The following PABPC4 variants were observed in gnomAD, a reference collection of about 807,000 sequenced individuals.
PABPC4 encodes the protein polyadenylate-binding protein 4.
A neutral mutation model predicts 74.5 loss-of-function variants in PABPC4; 15 were observed. The observed-to-expected ratio is 0.20, with a 90% CI of 0.13 to 0.31. PABPC4 has a LOEUF of 0.31. Among genes scored for constraint, PABPC4 ranks in the 10% least tolerant of loss-of-function variants. The pLI, the probability that PABPC4 is intolerant of heterozygous loss-of-function variation, is 1.00. For missense variants in PABPC4, 610 were observed against 853.5 expected, an observed-to-expected ratio of 0.71 and a Z score of 3.55; for synonymous variants, 345 against 303.0, an observed-to-expected ratio of 1.14 and a Z score of -1.44.
chr1:39,573,696 G>A (rs973153603), intron 1 of PABPC4, among the ~76,000 whole-genome samples: 4 of 152,186 alleles, frequency 2.6e-5, no homozygotes, highest in Admixed American at 2.6e-4. Context: ...GCGGGTGCCT[G>A]TAATCCCAGC....
chr1:39,561,607 A>C (rs879823305), intron 15 of PABPC4, 78 bp downstream of exon 15: 59 of 959,680 alleles, frequency 6.1e-5, no homozygotes, highest in Non-Finnish European at 6.5e-5. Flanking sequence ...GCATATATAC[A>C]ACCTCAGGTC....
chr1:39,576,089 T>C lies in PABPC4; in HGVS notation c.-138A>G. The C allele has an allele frequency of 1.7e-6, 1 of 577,926 alleles. No homozygotes were observed. The highest frequency in any genetic ancestry group is 2.9e-6 in the Non-Finnish European group (1 of 346,052). The allele number at this position is 577,926 out of a possible 1,614,324, so 35.8% of individuals were successfully genotyped here. ...CCGGCGCGGCGAGGACGAGCTGGAG[T>C]CGGCGGGCTTGGAGACGGGACGGAA... On this transcript the variant is annotated 5_prime_UTR_variant, in exon 1 of 16. Coordinates refer to ENST00000372858, the MANE Select transcript of PABPC4 (RefSeq NM_001135653.2).
intron 15 of PABPC4, chr1:39,561,437 T>C (rs922041369): frequency 2.1e-6 from 1 of 470,428 alleles, no homozygotes; most frequent in African/African-American, 2.0e-5. Flanking sequence ...CTGTCTCTTC[T>C]TTCCCTATCT....
chr1:39,571,379 A>C (rs776883131), intron 2 of PABPC4, 30 bp from the exon 3 acceptor site: 1 of 1,612,742 alleles, frequency 6.2e-7, no homozygotes, highest in Non-Finnish European at 8.5e-7. Context: ...CCACTTTAGC[A>C]GAACTGGCCA....
intron 7 of PABPC4, among the ~76,000 whole-genome samples, chr1:39,565,753 G>T (rs1451378223): frequency 6.6e-6 from 1 of 152,012 alleles, no homozygotes; most frequent in Non-Finnish European, 1.5e-5. Flanking sequence ...GCTTCAACCC[G>T]GGAGACAGAG....
chr1:39,564,420 C>A lies in PABPC4; in HGVS notation c.1453+3G>T. On this transcript the variant is annotated splice_donor_region_variant and intron_variant, in intron 10 of 15. Transcript: ENST00000372858. ...CCACACTTCTAAAGGCCAGTTTGCT[C>A]ACCGACTCTCTGAGTGGTAGTAGGG... The A allele has an allele frequency of 3.7e-6, 6 of 1,613,340 alleles. No homozygotes were observed. The highest frequency in any genetic ancestry group is 5.1e-6 in the Non-Finnish European group (6 of 1,179,828).
chr1:39,563,904 C>T lies in PABPC4; in HGVS notation c.1472G>A (p.Arg491His), dbSNP rs200163968. 9.9e-6 allele frequency: 16 copies of T among 1,614,074 alleles called. No individual in the cohort carries two copies. The highest frequency in any genetic ancestry group is 8.8e-5 in the South Asian group (8 of 91,084). ...TQRVGSECPD[R>H]LAMDFGGAGA... The stretch of plus-strand genomic sequence containing the variant: ...AGCCCCACCAAAGTCCATAGCCAAG[C>T]GGTCCGGGCACTCAGACCCTACAAC... The change falls in exon 11 of 16, where the codon CGC (arginine) becomes CAC (histidine). Residue 491 changes from arginine (R) to histidine (H), a missense_variant. This residue lies in a region of PABPC4 where 277 missense variants were observed against 301.8 expected (regional missense o/e 0.92). Transcript: ENST00000372858.
intron 10 of PABPC4, 113 bp from the exon 11 acceptor site, chr1:39,564,035 CACT>C: frequency 4.6e-6 from 4 of 877,536 alleles, no homozygotes; most frequent in Non-Finnish European, 7.3e-6. Context: ...CACAGGGGGC[CACT>C]ACTACTTTCG....
Position 39,563,844 on chromosome 1 carries a change from T to C in PABPC4, c.1532A>G (p.Gln511Arg). ...AAQQGLTDSC[Q>R]SGGVPTAVQN... ...TGTGCATCCAATACCACCTCCAGAC[T>C]GGCAGCTGTCAGTCAGCCCTTGCTG... The change falls in exon 11 of 16, where the codon CAG (glutamine) becomes CGG (arginine). Residue 511 changes from glutamine to arginine, a missense_variant. Physicochemically the swap from Gln to Arg is conservative, Grantham distance 43 (BLOSUM62 1). Around this residue, in one of 4 missense-constraint regions of PABPC4, gnomAD observed 277 missense variants for 301.8 expected, o/e 0.92. Coordinates refer to ENST00000372858, the MANE Select transcript of PABPC4 (RefSeq NM_001135653.2). 1.2e-6 allele frequency: 2 copies of C among 1,614,250 alleles called. No individual in the cohort carries two copies. Among genetic ancestry groups the C allele is most frequent in the Non-Finnish European group, 1.7e-6 (2 of 1,180,044 alleles).
chr1:39,561,920 A>C (rs572927112), intron 14 of PABPC4, 133 bp from the exon 15 acceptor site: 1 of 1,167,324 alleles, frequency 8.6e-7, no homozygotes, highest in Admixed American at 2.2e-5. Context: ...TACTTTCCCA[A>C]ATACCCACTG....
chr1:39,574,948 C>T (rs1317736454), intron 1 of PABPC4, among the ~76,000 whole-genome samples: 1 of 152,234 alleles, frequency 6.6e-6, no homozygotes, highest in Non-Finnish European at 1.5e-5. Context: ...ACTTGGCTTC[C>T]AACTTTTTGC....
In PABPC4 at chr1:39,561,722, G is replaced by A. The variant is rs758035897; in HGVS notation, c.1959C>T (p.Gly653=). 8.1e-6 allele frequency: 13 copies of A among 1,613,316 alleles called. No individual in the cohort carries two copies. Among genetic ancestry groups the A allele is most frequent in the East Asian group, 2.2e-5 (1 of 44,892 alleles). The part of the protein sequence containing the change: ...HAKKEAAQKV[G]AVAAATS ...TCTAAGAGGTAGCAGCAGCAACAGCGCCCACCTTCTGGGCAGCTTCTTTCT... is the reference window on the plus strand; with the variant it reads ...TCTAAGAGGTAGCAGCAGCAACAGCACCCACCTTCTGGGCAGCTTCTTTCT... The change falls in exon 15 of 16, where the codon GGC becomes GGT. Residue 653 remains glycine (G), a synonymous_variant. Coordinates refer to ENST00000372858, the MANE Select transcript of PABPC4 (RefSeq NM_001135653.2).
intron 1 of PABPC4, among the ~76,000 whole-genome samples, chr1:39,574,886 T>G (rs1645994752): frequency 6.6e-6 from 1 of 152,256 alleles, no homozygotes; most frequent in African/African-American, 2.4e-5. Flanking sequence ...CTCTCCATGC[T>G]CCACGCTAAG....
rs201347429 is a variant in PABPC4, at chr1:39,565,136, C to T, written c.1215G>A (p.Ala405=). The T allele has an allele frequency of 1.3e-5, 21 of 1,613,978 alleles. No individual in the cohort carries two copies. Among genetic ancestry groups the T allele is most frequent in the Middle Eastern group, 1.7e-4 (1 of 6,026 alleles). ...GGACTGCTGGCACAAAGTAGCCACC[C>T]GCTGCAGGCTGGAACTGATTTAAGA... ...NAILNQFQPA[A]GGYFVPAVPQ... Residue 405 remains alanine (A), a synonymous_variant, in exon 8 of 16, where the codon GCG becomes GCA. Coordinates refer to ENST00000372858, the MANE Select transcript of PABPC4 (RefSeq NM_001135653.2).
chr1:39,569,085 TTCC>T, intron 5 of PABPC4, 146 bp from the exon 6 acceptor site: 1 of 784,014 alleles, frequency 1.3e-6, no homozygotes, highest in East Asian at 2.6e-5. Flanking sequence ...AAATCCAAAC[TTCC>T]TCATCTGTAA....
chr1:39,564,826 G>A (rs1190656773), intron 8 of PABPC4, 53 bp from the exon 9 acceptor site: 12 of 1,367,122 alleles, frequency 8.8e-6, no homozygotes, highest in East Asian at 6.9e-5. Context: ...ACCCATCCTA[G>A]AGAAGTATCT....
intron 1 of PABPC4, among the ~76,000 whole-genome samples, chr1:39,573,935 T>G (rs544156340): frequency 7.2e-5 from 11 of 152,272 alleles, no homozygotes; most frequent in African/African-American, 2.4e-4. Flanking sequence ...CACTTTTCCT[T>G]AAGGCTATGA....
rs1646022621 is a variant in PABPC4 at position 39,576,108 on chromosome 1, G to A, written c.-157C>T. 3.8e-6 allele frequency: 2 copies of A among 532,530 alleles called. No individual in the cohort carries two copies. The highest frequency in any genetic ancestry group is 3.8e-5 in the Admixed American group (1 of 26,608). 33.0% of individuals were successfully genotyped at this position (532,530 alleles called of 1,614,324 possible). On this transcript the variant is annotated 5_prime_UTR_variant, in exon 1 of 16. Coordinates refer to ENST00000372858, the MANE Select transcript of PABPC4 (RefSeq NM_001135653.2). ...CTGGAGTCGGCGGGCTTGGAGACGGGACGGAAACGGGAGGCGGGGGCCGGC... is the reference window on the plus strand; with the variant it reads ...CTGGAGTCGGCGGGCTTGGAGACGGAACGGAAACGGGAGGCGGGGGCCGGC...
intron 14 of PABPC4, 70 bp downstream of exon 14, chr1:39,562,003 G>C (rs1208921316): frequency 5.1e-6 from 8 of 1,555,498 alleles, no homozygotes; most frequent in Admixed American, 3.5e-5. Context: ...TGCTGCACCT[G>C]GGCATCCAAG....
Sources: allele counts gnomAD v4.1 joint callset (sites outside exome capture counted in the v4.1 genomes callset), GRCh38; gene constraint gnomAD v4.1.1; regional missense constraint gnomAD v4.1.1; transcripts MANE v1.5; gene names NCBI Gene and HGNC (gene_info 2026-07-23, HGNC 2026-07-21).